CLEC5A: variants seen among roughly 807,000 people sequenced by gnomAD.
CLEC5A encodes C-type lectin domain family 5 member A.
In CLEC5A, 15 loss-of-function variants were observed where a neutral mutation model predicts 24.4. The ratio of observed to expected loss-of-function variants is 0.62; its 90% confidence interval spans 0.41 to 0.95. CLEC5A has a LOEUF of 0.95. Ranked by LOEUF, CLEC5A falls within the 40% of genes least tolerant of loss-of-function variation. The pLI is 0.00. For synonymous variants in CLEC5A, 71 were observed against 72.6 expected (o/e 0.98, Z 0.11); for missense variants, 211 against 224.0 (o/e 0.94, Z 0.37).
chr7:141,945,543 A>G lies in CLEC5A; in HGVS notation c.80-143T>C, dbSNP rs149861503. On this transcript the variant is annotated intron_variant, in intron 2 of 6. Coordinates refer to ENST00000546910, the MANE Select transcript of CLEC5A (RefSeq NM_013252.3). ...CTCTCTGACTCAGTGAAGATGCATA[A>G]ATGTGGTTTTGTGAATACGTTCCCT... 1.0e-3 allele frequency: 712 copies of G among 679,764 alleles called. 4 individuals carry two copies. The African/African-American group carries it at 0.012, about 11-fold the overall frequency. 42.1% of individuals were successfully genotyped at this position (679,764 alleles called of 1,614,324 possible).
Position 141,935,916 on chromosome 7 carries a change from T to C in CLEC5A, c.243A>G (p.Arg81=). ...ATTCAGAAGTGGATAAGAAAAAACA[T>C]CTTGCTTGATAAAATTCCCAGTCTT... ...CPKDWEFYQA[R]CFFLSTSESS... is the part of the protein sequence containing the mutation. Residue 81 remains arginine (R), a synonymous_variant, in exon 5 of 7, where the codon AGA becomes AGG. Transcript: ENST00000546910. 6.2e-7 allele frequency: 1 copy of C among 1,613,428 alleles called. No individual in the cohort carries two copies. Among genetic ancestry groups the C allele is most frequent in the Non-Finnish European group, 8.5e-7 (1 of 1,179,350 alleles).
chr7:141,936,257 A>T (rs1802621534), intron 4 of CLEC5A: 1 of 358,794 alleles, frequency 2.8e-6, no homozygotes, highest in Admixed American at 4.5e-5. Context: ...ACAAAAAATC[A>T]GATGAACACT....
In CLEC5A at chr7:141,946,306, C is replaced by T; in HGVS notation, c.-14G>A. ...GTGCCAGTTCATGATGAAGGAGCTG[C>T]AGGGGCCTGTGAAGATTAGAGCACA... On this transcript the variant is annotated 5_prime_UTR_variant, in exon 2 of 7. Transcript: ENST00000546910. 1 of 1,560,024 alleles carries T rather than the reference C, an allele frequency of 6.4e-7. No individual in the cohort carries two copies. Among genetic ancestry groups the T allele is most frequent in the Non-Finnish European group, 8.7e-7 (1 of 1,150,804 alleles).
At chr7:141,936,326 C>T (rs1802624099) in intron 4 of CLEC5A, 1 of 277,828 alleles carries the variant, frequency 3.6e-6, no homozygotes, top group Non-Finnish European at 6.9e-6. Context: ...TCTTGAATTG[C>T]TGACACCACC....
At chr7:141,936,150 G>A (rs76074079) in intron 4 of CLEC5A, 200 bp from the exon 5 acceptor site, 34 of 574,814 alleles carry the variant, frequency 5.9e-5, no homozygotes, top group Admixed American at 1.2e-4. Context: ...GGAGAAGAGC[G>A]CAGTGGCTGA....
chr7:141,931,198 G>T (rs1180691974), intron 6 of CLEC5A, among the ~76,000 whole-genome samples: 3 of 152,114 alleles, frequency 2.0e-5, no homozygotes, highest in Non-Finnish European at 4.4e-5. Context: ...AATAAAATGT[G>T]ATCTGTGGGT....
At chr7:141,930,581 G>A (rs1802430874) in intron 6 of CLEC5A, among the ~76,000 whole-genome samples, 1 of 152,148 alleles carries the variant, frequency 6.6e-6, no homozygotes, top group African/African-American at 2.4e-5. Context: ...TAGCATGCAT[G>A]TTCACAGCAA....
chr7:141,945,229 A>G, intron 3 of CLEC5A, 112 bp downstream of exon 3: 1 of 822,836 alleles, frequency 1.2e-6, no homozygotes, highest in Non-Finnish European at 2.2e-6. Context: ...ATCTTTATGG[A>G]CCCTTTGTAC....
At chr7:141,930,828 G>A (rs1018317888) in intron 6 of CLEC5A, among the ~76,000 whole-genome samples, 7 of 152,206 alleles carry the variant, frequency 4.6e-5, no homozygotes, top group Non-Finnish European at 1.0e-4. Context: ...TCTGTGAAAT[G>A]GGGAGCGATA....
intron 4 of CLEC5A, among the ~76,000 whole-genome samples, chr7:141,939,485 C>T (rs145252741): frequency 1.4e-3 from 213 of 151,618 alleles, no homozygotes; most frequent in African/African-American, 4.4e-3. Context: ...AGAAAATCAC[C>T]TTCACTAAAA....
At chr7:141,937,632 C>G (rs1802669129) in intron 4 of CLEC5A, among the ~76,000 whole-genome samples, 1 of 152,164 alleles carries the variant, frequency 6.6e-6, no homozygotes, top group Non-Finnish European at 1.5e-5. Context: ...ACAGGCTTGG[C>G]TGGCTTCACC....
chr7:141,937,430 GCT>G (rs782796602), intron 4 of CLEC5A, among the ~76,000 whole-genome samples: 27 of 152,248 alleles, frequency 1.8e-4, no homozygotes, highest in Non-Finnish European at 3.2e-4. Context: ...ATAGGGTGAA[GCT>G]CCTCTGCCTG....
chr7:141,946,381 A>G (rs1436670120), intron 1 of CLEC5A, 69 bp from the exon 2 acceptor site: 1 of 1,398,044 alleles, frequency 7.2e-7, no homozygotes, highest in African/African-American at 1.4e-5. Context: ...GACATATCCC[A>G]GCCTCTCGCT....
intron 2 of CLEC5A, 65 bp from the exon 3 acceptor site, chr7:141,945,465 G>A (rs1356446529): frequency 3.6e-6 from 4 of 1,125,726 alleles, no homozygotes; most frequent in Admixed American, 3.4e-5. Context: ...TGACAAACAA[G>A]TATCAGCACA....
rs1415323315 is a variant in CLEC5A at position 141,928,301 on chromosome 7, T to C, written c.*1803A>G. The C allele has an allele frequency of 1.3e-5, 2 of 152,620 alleles. No homozygotes were observed. The highest frequency in any genetic ancestry group is 4.8e-5 in the African/African-American group (2 of 41,446). The allele number at this position is 152,620 out of a possible 1,614,324, so 9.5% of individuals were successfully genotyped here. A position where few individuals can be genotyped will look rare whatever the true frequency, so the allele number is the denominator to read the frequency against. On this transcript the variant is annotated 3_prime_UTR_variant, in exon 7 of 7. Coordinates refer to ENST00000546910, the MANE Select transcript of CLEC5A (RefSeq NM_013252.3). ...ATCACTAGATGTCTACATTTCCTGA[T>C]CTTAAAAGTTTGCAGTTATTCTGTC...
At chr7:141,932,523 C>T (rs1584843000) in intron 5 of CLEC5A, among the ~76,000 whole-genome samples, 1 of 152,290 alleles carries the variant, frequency 6.6e-6, no homozygotes, top group East Asian at 1.9e-4. Context: ...TTATTCTTTC[C>T]ATCCCCATGG....
chr7:141,941,123 CA>C (rs1408827835), intron 4 of CLEC5A, among the ~76,000 whole-genome samples: 1 of 152,024 alleles, frequency 6.6e-6, no homozygotes, highest in African/African-American at 2.4e-5. Context: ...TAAGACACAT[CA>C]AAAAATGAAA....
intron 3 of CLEC5A, 70 bp from the exon 4 acceptor site, chr7:141,944,034 T>G: frequency 2.2e-6 from 2 of 893,782 alleles, no homozygotes; most frequent in South Asian, 2.6e-5. Flanking sequence ...CATCAGAGTA[T>G]GGGCTGTGTG....
At chr7:141,946,414 G>A in intron 1 of CLEC5A, 102 bp from the exon 2 acceptor site, 1 of 1,061,732 alleles carries the variant, frequency 9.4e-7, no homozygotes, top group Non-Finnish European at 1.4e-6. Flanking sequence ...AGCAAGGCAG[G>A]CTTGGAAGAC....
Sources: allele counts gnomAD v4.1 joint callset (sites outside exome capture counted in the v4.1 genomes callset), GRCh38; gene constraint gnomAD v4.1.1; transcripts MANE v1.5; gene names NCBI Gene and HGNC (gene_info 2026-07-23, HGNC 2026-07-21).